MYH15: variants seen among roughly 807,000 people sequenced by gnomAD.
The protein encoded by MYH15 is myosin heavy chain 15.
A neutral mutation model predicts 240.5 loss-of-function variants in MYH15; 227 were observed. The ratio of observed to expected loss-of-function variants is 0.94; its 90% CI spans 0.85 to 1.05. The LOEUF is 1.05. Ranked by LOEUF, MYH15 falls within the 50% of genes least tolerant of loss-of-function variation. The pLI is 0.00. For synonymous variants in MYH15, 785 were observed against 796.7 expected, an observed-to-expected ratio of 0.99 and a Z score of 0.25; for missense variants, 2,217 against 2,247.5, an observed-to-expected ratio of 0.99 and a Z score of 0.27.
chr3:108,447,303 T>G (rs2082936579), intron 21 of MYH15, among the ~76,000 whole-genome samples: 1 of 152,026 alleles, frequency 6.6e-6, no homozygotes. Context: ...GAAAGCTTAT[T>G]TAAAGAAACA....
intron 13 of MYH15, 103 bp from the exon 14 acceptor site, chr3:108,470,315 C>A: frequency 1.3e-6 from 1 of 769,746 alleles, no homozygotes; most frequent in Non-Finnish European, 2.0e-6. Flanking sequence ...ATTATATGAT[C>A]AGAAATAGAC....
intron 33 of MYH15, among the ~76,000 whole-genome samples, chr3:108,403,557 C>T (rs1437238822): frequency 6.6e-6 from 1 of 150,814 alleles, no homozygotes; most frequent in Non-Finnish European, 1.5e-5. Context: ...CCCTTGCTAG[C>T]CCCAAAGTGA....
intron 37 of MYH15, 40 bp downstream of exon 37, chr3:108,391,720 T>C (rs537390480): frequency 7.6e-6 from 12 of 1,583,646 alleles, no homozygotes; most frequent in East Asian, 2.2e-5. Flanking sequence ...AGGTCTTGAA[T>C]TGGGGACTGT....
At chr3:108,421,441 G>A (rs183743742) in intron 27 of MYH15, among the ~76,000 whole-genome samples, 2 of 152,352 alleles carry the variant, frequency 1.3e-5, no homozygotes, top group East Asian at 3.9e-4. Context: ...TGTCACGGGA[G>A]ACACCCAACT....
intron 11 of MYH15, among the ~76,000 whole-genome samples, chr3:108,483,342 A>G (rs541423197): frequency 2.0e-5 from 3 of 152,228 alleles, no homozygotes; most frequent in African/African-American, 7.2e-5. Context: ...GATGTTCAAC[A>G]TCACCAATCA....
upstream of MYH15, among the ~76,000 whole-genome samples, chr3:108,514,199 C>T (rs1000824891): frequency 1.3e-5 from 2 of 152,118 alleles, no homozygotes; most frequent in Non-Finnish European, 2.9e-5. Flanking sequence ...CCTGTCTTCC[C>T]GGAACTGAGG....
Position 108,460,314 on chromosome 3 carries a change from C to T in MYH15, c.1918G>A (p.Ala640Thr), listed in dbSNP as rs2083060141. The T allele has an allele frequency of 6.3e-7, 1 of 1,599,228 alleles. No homozygotes were observed. The highest frequency in any genetic ancestry group is 8.5e-7 in the Non-Finnish European group (1 of 1,172,316). Residue 640 changes from alanine (A) to threonine (T), a missense_variant, in exon 17 of 41, where the codon GCA (alanine) becomes ACA (threonine). Transcript: ENST00000693548. ...TTAAAAATTACTTTATGCAGAGATG[C>T]AACCGTTTGGAATGAAGCTCCTTTC... ...RKKGASFQTV[A>T]SLHKENLNKL...
chr3:108,409,945 C>T (rs369861758), intron 31 of MYH15, among the ~76,000 whole-genome samples: 1 of 152,142 alleles, frequency 6.6e-6, no homozygotes, highest in South Asian at 2.1e-4. Flanking sequence ...TATGGTAGGT[C>T]TCCATGTACA....
chr3:108,513,389 G>C (rs536537845), upstream of MYH15, among the ~76,000 whole-genome samples: 1 of 152,278 alleles, frequency 6.6e-6, no homozygotes, highest in East Asian at 1.9e-4. Context: ...GGCAGCACTG[G>C]AATCCTGGAA....
chr3:108,399,498 C>A (rs1455392358), intron 33 of MYH15, among the ~76,000 whole-genome samples: 2 of 152,202 alleles, frequency 1.3e-5, no homozygotes, highest in Non-Finnish European at 2.9e-5. Context: ...TCCAGACCAA[C>A]TTCCCTGAAG....
Position 108,437,548 on chromosome 3 carries a change from G to A in MYH15, c.3221+6C>T, listed in dbSNP as rs1027801925. The A allele has an allele frequency of 2.5e-6, 4 of 1,610,302 alleles. No homozygotes were observed. The highest frequency in any genetic ancestry group is 3.4e-5 in the Admixed American group (2 of 59,336). On this transcript the variant is annotated splice_donor_region_variant and intron_variant, in intron 25 of 40. Transcript: ENST00000693548. ...GCAATCTCATGTCAACAGAAAGGTGGCTTACTTCCTCAGCTCTTCTGCCAG... is the reference window on the plus strand; with the variant it reads ...GCAATCTCATGTCAACAGAAAGGTGACTTACTTCCTCAGCTCTTCTGCCAG...
At chr3:108,531,701 C>A (rs577312575), upstream of MYH15, among the ~76,000 whole-genome samples, 1 of 151,766 alleles carries the variant, frequency 6.6e-6, no homozygotes, top group East Asian at 1.9e-4. Context: ...GGTGTGAACC[C>A]GGGAGGCAGA....
intron 22 of MYH15, among the ~76,000 whole-genome samples, chr3:108,442,727 T>G (rs1377954109): frequency 6.6e-6 from 1 of 152,086 alleles, no homozygotes; most frequent in Non-Finnish European, 1.5e-5. Flanking sequence ...GGTCACTCAG[T>G]TCTGCTGGAA....
intron 31 of MYH15, among the ~76,000 whole-genome samples, chr3:108,409,873 A>G (rs1434400407): frequency 6.6e-6 from 1 of 152,246 alleles, no homozygotes; most frequent in Non-Finnish European, 1.5e-5. Flanking sequence ...TCTAAAATGA[A>G]TAAAGTCTAG....
At chr3:108,515,161 G>A (rs2107259736), upstream of MYH15, among the ~76,000 whole-genome samples, 1 of 152,240 alleles carries the variant, frequency 6.6e-6, no homozygotes, top group Admixed American at 6.5e-5. Flanking sequence ...CCAGGCTTCA[G>A]TATCTGATCT....
the MYH15 span, among the ~76,000 whole-genome samples, chr3:108,535,896 G>C: frequency 1.3e-5 from 2 of 152,214 alleles, no homozygotes; most frequent in African/African-American, 4.8e-5. Context: ...ACTCAGAATA[G>C]TTGGTAAGGG....
chr3:108,450,186 C>T (rs2082960869), intron 21 of MYH15, among the ~76,000 whole-genome samples: 1 of 152,066 alleles, frequency 6.6e-6, no homozygotes, highest in Non-Finnish European at 1.5e-5. Context: ...ACCATAGGAT[C>T]TATCAATCCC....
In MYH15 at chr3:108,457,550, C is replaced by T. The variant is rs903406867; in HGVS notation, c.2021-667G>A. On this transcript the variant is annotated intron_variant, in intron 18 of 40. Coordinates refer to ENST00000693548, the MANE Select transcript of MYH15 (RefSeq NM_014981.3). ...AAAAACCATCCAAGAAGCCACTGTC[C>T]CTGCCCTCAGCAAGTCTTCTGAAAG... Among the ~76,000 whole-genome samples, 5 of 152,164 alleles carry T rather than the reference C, an allele frequency of 3.3e-5. 1 individual carries two copies. The highest frequency in any genetic ancestry group is 1.2e-4 in the African/African-American group (5 of 41,528).
chr3:108,494,249 A>G (rs1201948625), intron 7 of MYH15, among the ~76,000 whole-genome samples: 1 of 152,228 alleles, frequency 6.6e-6, no homozygotes, highest in Non-Finnish European at 1.5e-5. Flanking sequence ...ATACATGTAT[A>G]TATACCCATA....
Sources: gnomAD v4.1 joint callset for allele counts (sites outside exome capture counted in the v4.1 genomes callset) on GRCh38, gnomAD v4.1.1 for gene constraint, MANE v1.5 for transcripts, NCBI Gene and HGNC (gene_info 2026-07-23, HGNC 2026-07-21) for gene names.